The following AKAP13 variants were observed in gnomAD, a reference collection of about 807,000 sequenced individuals.
The protein encoded by AKAP13 is A-kinase anchoring protein 13, also known as A-kinase anchor protein 13.
AKAP13 carries 80 observed loss-of-function variants against 264.5 expected under a neutral mutation model. That is an observed-to-expected ratio of 0.30 (90% CI 0.25 to 0.36). The LOEUF (loss-of-function observed/expected upper bound fraction) is 0.36. AKAP13 is among the 10% of genes least tolerant of loss of function. The probability of loss-of-function intolerance (pLI) is 1.00; values close to 1 mark genes in which losing one functional copy is unlikely to be tolerated. For synonymous variants in AKAP13, 1,380 were observed against 1,250.2 expected (o/e 1.10, Z -2.19); for missense variants, 3,712 against 3,435.2 (o/e 1.08, Z -2.01).
intron 1 of AKAP13, among the ~76,000 whole-genome samples, chr15:85,468,671 A>T (rs1405238013): frequency 2.0e-5 from 3 of 152,192 alleles, no homozygotes; most frequent in Non-Finnish European, 2.9e-5. Flanking sequence ...ATTTTGTATG[A>T]AGTCTGACTT....
chr15:85,411,745 G>A (rs1432484898), intron 1 of AKAP13, among the ~76,000 whole-genome samples: 1 of 152,154 alleles, frequency 6.6e-6, no homozygotes, highest in African/African-American at 2.4e-5. Context: ...CCAACTAACT[G>A]CTTTTTTAAA....
intron 9 of AKAP13, among the ~76,000 whole-genome samples, chr15:85,643,599 A>G (rs906810092): frequency 6.6e-6 from 1 of 152,174 alleles, no homozygotes; most frequent in South Asian, 2.1e-4. Context: ...CTCTGTGCAG[A>G]TACCTTTTCT....
intron 13 of AKAP13, among the ~76,000 whole-genome samples, chr15:85,665,085 T>G (rs1346575917): frequency 6.6e-6 from 1 of 151,950 alleles, no homozygotes; most frequent in Non-Finnish European, 1.5e-5. Context: ...TGCTTGTAGT[T>G]CCAGCTACTC....
chr15:85,744,000 A>G (rs1484724107), intron 36 of AKAP13, 175 bp downstream of exon 36: 1 of 704,190 alleles, frequency 1.4e-6, no homozygotes, highest in African/African-American at 1.8e-5. Context: ...AGCGAACATT[A>G]AGAACCCACT....
chr15:85,396,056 A>C (rs970795171), intron 1 of AKAP13, among the ~76,000 whole-genome samples: 1 of 152,164 alleles, frequency 6.6e-6, no homozygotes, highest in African/African-American at 2.4e-5. Flanking sequence ...ACATATGCAC[A>C]CATAACATAC....
chr15:85,525,272 A>C (rs564326289), intron 3 of AKAP13, among the ~76,000 whole-genome samples: 1 of 151,816 alleles, frequency 6.6e-6, no homozygotes, highest in Non-Finnish European at 1.5e-5. Flanking sequence ...GTTAGCCAGG[A>C]TGGTCTCGAT....
intron 2 of AKAP13, among the ~76,000 whole-genome samples, chr15:85,487,288 G>T (rs548814177): frequency 7.2e-5 from 11 of 152,192 alleles, no homozygotes; most frequent in Admixed American, 2.0e-4. Flanking sequence ...AGCATGTCTG[G>T]TACAACATTG....
At chr15:85,462,502 A>G (rs1487323443) in intron 1 of AKAP13, among the ~76,000 whole-genome samples, 1 of 152,322 alleles carries the variant, frequency 6.6e-6, no homozygotes, top group Non-Finnish European at 1.5e-5. Flanking sequence ...TGCCCAGGAT[A>G]CATCTAAAGT....
intron 1 of AKAP13, among the ~76,000 whole-genome samples, chr15:85,417,379 C>CT (rs1487843777): frequency 6.6e-6 from 1 of 152,084 alleles, no homozygotes; most frequent in Non-Finnish European, 1.5e-5. Context: ...CTCACTGGTC[C>CT]TTTTTGGTGG....
chr15:85,575,123 G>C lies in AKAP13; in HGVS notation c.663-8G>C, dbSNP rs781019006. On this transcript the variant is annotated splice_region_variant and splice_polypyrimidine_tract_variant and intron_variant, in intron 5 of 36. Transcript: ENST00000394518. ...GTATATATATTAACCAGAGATGCTT[G>C]CATGTAGGGAGAATGCTGGAGAACC... The C allele has an allele frequency of 3.0e-5, 48 of 1,613,448 alleles. No individual in the cohort carries two copies. The highest frequency in any genetic ancestry group is 4.1e-5 in the Non-Finnish European group (48 of 1,179,566).
intron 8 of AKAP13, among the ~76,000 whole-genome samples, chr15:85,589,710 G>GA (rs59703416): frequency 0.29 from 29,405 of 99,736 alleles, 4,813 homozygotes; most frequent in East Asian, 0.58. Flanking sequence ...ACTCTGTCTT[G>GA]AAAAAAAAAA....
At chr15:85,610,599 C>T (rs1418308787) in intron 8 of AKAP13, among the ~76,000 whole-genome samples, 1 of 152,124 alleles carries the variant, frequency 6.6e-6, no homozygotes, top group African/African-American at 2.4e-5. Context: ...CTTATAGCAA[C>T]CATTATATAA....
intron 1 of AKAP13, among the ~76,000 whole-genome samples, chr15:85,381,410 G>T (rs1347090553): frequency 6.6e-6 from 1 of 151,686 alleles, no homozygotes; most frequent in Non-Finnish European, 1.5e-5. Flanking sequence ...CAGGAGACCC[G>T]TGCGGTCCCC....
intron 1 of AKAP13, among the ~76,000 whole-genome samples, chr15:85,467,398 C>CT (rs1203268897): frequency 6.6e-6 from 1 of 152,154 alleles, no homozygotes; most frequent in African/African-American, 2.4e-5. Flanking sequence ...ACCTTGTGAT[C>CT]TGTTCCTACT....
At chr15:85,721,923 A>G in intron 23 of AKAP13, 68 bp from the exon 24 acceptor site, 1 of 1,591,626 alleles carries the variant, frequency 6.3e-7, no homozygotes, top group Non-Finnish European at 8.5e-7. Flanking sequence ...TAGACTGGAA[A>G]CATTTTACAA....
intron 8 of AKAP13, among the ~76,000 whole-genome samples, chr15:85,613,496 A>G (rs2080770010): frequency 6.6e-6 from 1 of 151,724 alleles, no homozygotes; most frequent in Non-Finnish European, 1.5e-5. Context: ...CCTGGCTAAC[A>G]CGGTGAAACC....
chr15:85,415,828 A>G (rs1362029560), intron 1 of AKAP13, among the ~76,000 whole-genome samples: 1 of 152,018 alleles, frequency 6.6e-6, no homozygotes, highest in Non-Finnish European at 1.5e-5. Context: ...TTAATAAATA[A>G]ATGTGTTTGT....
intron 2 of AKAP13, among the ~76,000 whole-genome samples, chr15:85,520,866 G>A (rs754022110): frequency 1.3e-5 from 2 of 152,254 alleles, no homozygotes; most frequent in Non-Finnish European, 2.9e-5. Flanking sequence ...GGATGTTGTA[G>A]CCTGCTGTGC....
At chr15:85,526,483 G>C (rs2077047699) in intron 3 of AKAP13, among the ~76,000 whole-genome samples, 1 of 151,678 alleles carries the variant, frequency 6.6e-6, no homozygotes, top group Non-Finnish European at 1.5e-5. Context: ...TGTTGCCCAA[G>C]CTGGTCTCAA....
Sources: allele counts gnomAD v4.1 joint callset (sites outside exome capture counted in the v4.1 genomes callset), GRCh38; gene constraint gnomAD v4.1.1; transcripts MANE v1.5; gene names NCBI Gene and HGNC (gene_info 2026-07-23, HGNC 2026-07-21).